The following GPC5 variants were observed in gnomAD, a reference collection of about 807,000 sequenced individuals.
GPC5 encodes glypican-5.
Under a neutral mutation model 53.9 loss-of-function variants are expected in GPC5, and 47 were observed. The observed-to-expected ratio is 0.87, with a 90% CI of 0.69 to 1.11. GPC5 has a LOEUF of 1.11. Ranked by LOEUF, GPC5 falls within the 50% of genes most tolerant of loss-of-function variation. The pLI is 0.00. For missense variants in GPC5, 748 were observed against 713.1 expected, an observed-to-expected ratio of 1.05 and a Z score of -0.56; for synonymous variants, 286 against 263.3, an observed-to-expected ratio of 1.09 and a Z score of -0.84.
At chr13:91,571,868 T>TGTGTTTACACAC (rs2031841791) in intron 2 of GPC5, among the ~76,000 whole-genome samples, 1 of 104,448 alleles carries the variant, frequency 9.6e-6, no homozygotes, top group Non-Finnish European at 2.1e-5. Context: ...TACGTGTGTG[T>TGTGTTTACACAC]ATATATACAC....
At chr13:92,497,444 T>C (rs1880019226) in intron 7 of GPC5, among the ~76,000 whole-genome samples, 1 of 152,184 alleles carries the variant, frequency 6.6e-6, no homozygotes, top group African/African-American at 2.4e-5. Context: ...GAGGTCTCTG[T>C]TCTGTTCCAT....
In GPC5 at chr13:92,527,473, T is replaced by C. The variant is rs1881406797; in HGVS notation, c.1562-338809T>C. On this transcript the variant is annotated intron_variant, in intron 7 of 7. Transcript: ENST00000377067. ...CTAAGAGGACAAGTAAAATAGGGGGTAAGGTGTGGCTGTTGCATTTGGAAA... is the reference window on the plus strand; with the variant it reads ...CTAAGAGGACAAGTAAAATAGGGGGCAAGGTGTGGCTGTTGCATTTGGAAA... Among the ~76,000 whole-genome samples the C allele has an allele frequency of 2.0e-5, 3 of 151,950 alleles. No individual in the cohort carries two copies. In the South Asian group the frequency reaches 6.2e-4, roughly 32 times the overall value.
At chr13:92,140,768 G>A (rs959218006) in intron 6 of GPC5, among the ~76,000 whole-genome samples, 1 of 152,118 alleles carries the variant, frequency 6.6e-6, no homozygotes, top group African/African-American at 2.4e-5. Context: ...TGAGGGAGCT[G>A]GGAAGATAAA....
At chr13:92,851,869 C>T (rs1398882685) in intron 7 of GPC5, among the ~76,000 whole-genome samples, 1 of 119,580 alleles carries the variant, frequency 8.4e-6, no homozygotes, top group Non-Finnish European at 1.6e-5. Context: ...GCCTGAGTGA[C>T]AGAGCAAGAC....
chr13:92,543,640 A>G (rs1882003260), intron 7 of GPC5, among the ~76,000 whole-genome samples: 1 of 152,098 alleles, frequency 6.6e-6, no homozygotes, highest in African/African-American at 2.4e-5. Flanking sequence ...GGATAGAAGG[A>G]GAGTCTCTGC....
intron 6 of GPC5, among the ~76,000 whole-genome samples, chr13:91,944,334 G>C (rs2039956045): frequency 6.6e-6 from 1 of 152,088 alleles, no homozygotes; most frequent in African/African-American, 2.4e-5. Flanking sequence ...CTGACCTCGC[G>C]ATCCGCCCGC....
chr13:92,449,488 AAATC>A (rs1877972129), intron 7 of GPC5, among the ~76,000 whole-genome samples: 1 of 152,230 alleles, frequency 6.6e-6, no homozygotes, highest in African/African-American at 2.4e-5. Flanking sequence ...TTATTAATGT[AAATC>A]AAATATGAAT....
intron 2 of GPC5, among the ~76,000 whole-genome samples, chr13:91,488,932 C>T (rs567771412): frequency 2.4e-4 from 37 of 152,244 alleles, no homozygotes; most frequent in African/African-American, 8.2e-4. Flanking sequence ...CGAAAATGGC[C>T]GCTTTGGGGG....
intron 2 of GPC5, among the ~76,000 whole-genome samples, chr13:91,518,280 T>G (rs1269756658): frequency 6.6e-6 from 1 of 152,128 alleles, no homozygotes; most frequent in African/African-American, 2.4e-5. Flanking sequence ...GGGAACGTTT[T>G]AGCTCAGGAG....
At chr13:92,271,616 C>T (rs185826835) in intron 7 of GPC5, among the ~76,000 whole-genome samples, 15 of 152,102 alleles carry the variant, frequency 9.9e-5, no homozygotes, top group Non-Finnish European at 1.5e-4. Context: ...TTAATAGGCA[C>T]GTTTAGTAAG....
intron 2 of GPC5, among the ~76,000 whole-genome samples, chr13:91,461,271 T>C (rs1191952389): frequency 6.6e-6 from 1 of 152,176 alleles, no homozygotes; most frequent in Non-Finnish European, 1.5e-5. Flanking sequence ...AGGAAACATA[T>C]TCAATATTAT....
At chr13:91,651,340 T>G (rs1041757432) in intron 2 of GPC5, among the ~76,000 whole-genome samples, 2 of 152,216 alleles carry the variant, frequency 1.3e-5, no homozygotes, top group African/African-American at 4.8e-5. Flanking sequence ...ATTAGTTTAT[T>G]AATATTACCC....
chr13:92,276,078 G>C (rs1353711132), intron 7 of GPC5, among the ~76,000 whole-genome samples: 1 of 152,140 alleles, frequency 6.6e-6, no homozygotes, highest in Non-Finnish European at 1.5e-5. Context: ...TGATTGGGAA[G>C]AGGAAAGAAA....
Position 91,527,680 on chromosome 13 carries a change from G to A in GPC5, c.325+78758G>A, listed in dbSNP as rs149127653. The stretch of plus-strand genomic sequence containing the variant: ...TTCCCCTCTGTACTGCCCTAATAGA[G>A]ATTCTTCAGGAGGGCTCTGCCCCTG... On this transcript the variant is annotated intron_variant, in intron 2 of 7. Coordinates refer to ENST00000377067, the MANE Select transcript of GPC5 (RefSeq NM_004466.6). 7.0e-3 allele frequency among the ~76,000 whole-genome samples: 1,073 copies of A among 152,364 alleles called. 19 individuals carry two copies. Among genetic ancestry groups the A allele is most frequent in the South Asian group, 0.012 (56 of 4,828 alleles).
chr13:91,998,321 A>G (rs2040523342), intron 6 of GPC5, among the ~76,000 whole-genome samples: 2 of 152,220 alleles, frequency 1.3e-5, no homozygotes, highest in Admixed American at 1.3e-4. Flanking sequence ...TTTGCTCTTC[A>G]AGATTATCTT....
intron 7 of GPC5, among the ~76,000 whole-genome samples, chr13:92,857,692 GAAGC>G (rs1879048834): frequency 6.6e-6 from 1 of 151,798 alleles, no homozygotes; most frequent in Admixed American, 6.6e-5. Flanking sequence ...AGAAAACACA[GAAGC>G]AACCAATAAA....
intron 7 of GPC5, among the ~76,000 whole-genome samples, chr13:92,691,959 A>G (rs1463111614): frequency 2.0e-5 from 3 of 152,124 alleles, no homozygotes; most frequent in Admixed American, 6.5e-5. Context: ...TTGGAGTACA[A>G]ATATTTCCAT....
chr13:92,666,786 G>C (rs1156581985), intron 7 of GPC5, among the ~76,000 whole-genome samples: 1 of 152,186 alleles, frequency 6.6e-6, no homozygotes, highest in Non-Finnish European at 1.5e-5. Flanking sequence ...TAAATTTCCA[G>C]TACTGCACAT....
intron 6 of GPC5, among the ~76,000 whole-genome samples, chr13:92,008,759 T>G (rs1445875969): frequency 6.6e-6 from 1 of 152,190 alleles, no homozygotes; most frequent in Non-Finnish European, 1.5e-5. Flanking sequence ...TCTTGAAATT[T>G]TTTTCTGCTC....
Sources: allele counts gnomAD v4.1 joint callset (sites outside exome capture counted in the v4.1 genomes callset), GRCh38; gene constraint gnomAD v4.1.1; transcripts MANE v1.5; gene names NCBI Gene and HGNC (gene_info 2026-07-23, HGNC 2026-07-21).